Variants in RABGAP1L observed in about 807,000 individuals in gnomAD.
RABGAP1L encodes rab GTPase-activating protein 1-like.
RABGAP1L carries 63 observed loss-of-function variants against 137.7 expected under a neutral mutation model. That is an observed-to-expected ratio of 0.46 (90% CI 0.37 to 0.56). RABGAP1L has a LOEUF of 0.56. Among genes scored for constraint, RABGAP1L ranks in the 20% least tolerant of loss-of-function variants. The probability of loss-of-function intolerance (pLI) is 0.00; values close to 1 mark genes in which losing one functional copy is unlikely to be tolerated. For synonymous variants in RABGAP1L, 431 were observed against 433.7 expected (o/e 0.99, Z 0.08); for missense variants, 1,095 against 1,244.0 (o/e 0.88, Z 1.80).
Position 174,448,750 on chromosome 1 carries a change from T to C in RABGAP1L, c.1710+54605T>C, listed in dbSNP as rs750914001. 3 of 1,613,840 alleles carry C rather than the reference T, an allele frequency of 1.9e-6. No homozygotes were observed. Among genetic ancestry groups the C allele is most frequent in the African/African-American group, 1.3e-5 (1 of 75,030 alleles). On this transcript the variant is annotated intron_variant, in intron 13 of 25. Transcript: ENST00000681986. The surrounding 1 kb of genome is among the most constrained non-coding windows in gnomAD (Gnocchi z 4.2). ...GCTTTATTGTTTGTTTACTTTATGC[T>C]CCTGCTGCCTTTGTTGTCTGCTTCA...
chr1:174,319,946 G>C (rs1679789184), intron 11 of RABGAP1L, among the ~76,000 whole-genome samples: 1 of 151,988 alleles, frequency 6.6e-6, no homozygotes, highest in Non-Finnish European at 1.5e-5. Flanking sequence ...CGATCACTAT[G>C]TTTTTGCATC....
At chr1:174,708,922 G>A (rs973227697) in intron 17 of RABGAP1L, among the ~76,000 whole-genome samples, 1 of 152,202 alleles carries the variant, frequency 6.6e-6, no homozygotes, top group African/African-American at 2.4e-5. Flanking sequence ...AGATTCACTG[G>A]CTTGAAATTC....
intron 13 of RABGAP1L, among the ~76,000 whole-genome samples, chr1:174,559,931 C>T (rs566650691): frequency 3.3e-5 from 5 of 152,118 alleles, no homozygotes; most frequent in Admixed American, 2.0e-4. Context: ...GTCAGGAGTT[C>T]GAGACCAGCC....
Position 174,730,315 on chromosome 1 carries a change from A to C in RABGAP1L, c.2170-21998A>C, listed in dbSNP as rs930610206. 4.6e-5 allele frequency among the ~76,000 whole-genome samples: 7 copies of C among 152,174 alleles called. No homozygotes were observed. The South Asian group carries it at 1.5e-3, about 32-fold the overall frequency. ...TGGAACAACTCTAGACTAATAGAGG[A>C]GGGGAGGAAAAGGGTGGGAACAAGG... On this transcript the variant is annotated intron_variant, in intron 17 of 25. Coordinates refer to ENST00000681986, the MANE Select transcript of RABGAP1L (RefSeq NM_001366446.1).
chr1:174,468,909 A>C (rs1002109352), intron 13 of RABGAP1L, among the ~76,000 whole-genome samples: 1 of 152,158 alleles, frequency 6.6e-6, no homozygotes, highest in African/African-American at 2.4e-5. Flanking sequence ...ACTAAAAATG[A>C]GGGGAATATT....
At chr1:174,314,275 A>G (rs1472719629) in intron 11 of RABGAP1L, among the ~76,000 whole-genome samples, 1 of 152,170 alleles carries the variant, frequency 6.6e-6, no homozygotes, top group African/African-American at 2.4e-5. Context: ...CTATTCTTCT[A>G]GATTTTCCAA....
At chr1:174,426,622 C>T (rs1421595931) in intron 13 of RABGAP1L, among the ~76,000 whole-genome samples, 1 of 151,914 alleles carries the variant, frequency 6.6e-6, no homozygotes, top group Non-Finnish European at 1.5e-5. Context: ...TAAGCAACAT[C>T]AGAATATTGG....
Position 174,992,463 on chromosome 1 carries a change from T to A in RABGAP1L, c.*2462T>A, listed in dbSNP as rs1337259162. On this transcript the variant is annotated 3_prime_UTR_variant, in exon 26 of 26. Coordinates refer to ENST00000681986, the MANE Select transcript of RABGAP1L (RefSeq NM_001366446.1). ...CCGTCTCGAAAAATCACCAGGTACATACCTCTCAAGTTTGATAAGTCCATC... is the reference window on the plus strand; with the variant it reads ...CCGTCTCGAAAAATCACCAGGTACAAACCTCTCAAGTTTGATAAGTCCATC... 6.6e-6 allele frequency: 1 copy of A among 152,044 alleles called. No homozygotes were observed. Among genetic ancestry groups the A allele is most frequent in the African/African-American group, 2.4e-5 (1 of 41,404 alleles). The allele number at this position is 152,044 out of a possible 1,614,324, so 9.4% of individuals were successfully genotyped here. A position where few individuals can be genotyped will look rare whatever the true frequency, so the allele number is the denominator to read the frequency against.
At chr1:174,596,986 C>T (rs572949955) in intron 13 of RABGAP1L, among the ~76,000 whole-genome samples, 66 of 152,006 alleles carry the variant, frequency 4.3e-4, no homozygotes, top group South Asian at 1.0e-3. Context: ...ATATGGTCTA[C>T]GTCCTTCATT....
At chr1:174,881,034 A>T (rs1654112799) in intron 19 of RABGAP1L, among the ~76,000 whole-genome samples, 1 of 152,216 alleles carries the variant, frequency 6.6e-6, no homozygotes, top group African/African-American at 2.4e-5. Context: ...ACCAAGTCAT[A>T]GGGAACATCC....
intron 21 of RABGAP1L, among the ~76,000 whole-genome samples, chr1:174,975,475 C>T (rs1446808825): frequency 1.3e-5 from 2 of 152,142 alleles, no homozygotes; most frequent in Non-Finnish European, 2.9e-5. Flanking sequence ...TCATGGCTCT[C>T]TCTATCATGG....
rs559197244 is a variant in RABGAP1L at position 174,411,887 on chromosome 1, A to G, written c.1710+17742A>G. ...TTTTAAAAAATTTATTGAGACTTGC[A>G]TTGTGGCTGAGCATGTGATTGATCT... On this transcript the variant is annotated intron_variant, in intron 13 of 25. Transcript: ENST00000681986. Among the ~76,000 whole-genome samples, 7 of 152,188 alleles carry G rather than the reference A, an allele frequency of 4.6e-5. No individual in the cohort carries two copies. The South Asian group carries it at 1.2e-3, about 27-fold the overall frequency.
intron 13 of RABGAP1L, among the ~76,000 whole-genome samples, chr1:174,623,233 A>G (rs1363073903): frequency 1.3e-5 from 2 of 152,208 alleles, no homozygotes; most frequent in Non-Finnish European, 2.9e-5. Flanking sequence ...AATGATACGT[A>G]TATCTAAATA....
At chr1:174,361,711 G>A (rs186063584) in intron 11 of RABGAP1L, among the ~76,000 whole-genome samples, 4 of 152,062 alleles carry the variant, frequency 2.6e-5, no homozygotes, top group East Asian at 3.9e-4. Context: ...GCATAAGATC[G>A]TATCATCTGC....
At chr1:174,611,216 T>A (rs1187420907) in intron 13 of RABGAP1L, among the ~76,000 whole-genome samples, 2 of 147,462 alleles carry the variant, frequency 1.4e-5, no homozygotes, top group Non-Finnish European at 3.0e-5. Context: ...TTTATCCATC[T>A]TGAATTAATT....
At chr1:174,664,734 C>CTA (rs1553229417) in intron 14 of RABGAP1L, among the ~76,000 whole-genome samples, 1 of 97,580 alleles carries the variant, frequency 1.0e-5, no homozygotes, top group Non-Finnish European at 1.8e-5. Flanking sequence ...TTTCTGCTTT[C>CTA]TTTTTTTTTT....
rs1017420549 is a variant in RABGAP1L, at chr1:174,609,658, G to A, written c.1711-27717G>A. On this transcript the variant is annotated intron_variant, in intron 13 of 25. Transcript: ENST00000681986. Reference sequence around the variant, plus strand: ...ATCTACTACTTCAAGCTATTTTTCTGTGAAAAAGTTAACATGTAAACTAAG... The same window carrying A: ...ATCTACTACTTCAAGCTATTTTTCTATGAAAAAGTTAACATGTAAACTAAG... Among the ~76,000 whole-genome samples, 3 of 152,044 alleles carry A rather than the reference G, an allele frequency of 2.0e-5. No homozygotes were observed. In the East Asian group the frequency reaches 5.8e-4, roughly 29 times the overall value.
At chr1:174,269,774 A>T (rs1674401904) in intron 7 of RABGAP1L, among the ~76,000 whole-genome samples, 1 of 152,134 alleles carries the variant, frequency 6.6e-6, no homozygotes, top group Non-Finnish European at 1.5e-5. Flanking sequence ...AGAACGAATG[A>T]TATCAGATTC....
intron 17 of RABGAP1L, among the ~76,000 whole-genome samples, chr1:174,742,350 C>G (rs1280019288): frequency 6.6e-6 from 1 of 151,954 alleles, no homozygotes; most frequent in East Asian, 1.9e-4. Flanking sequence ...AAACCCATCT[C>G]TACTAAAAAT....
Sources: gnomAD v4.1 joint callset for allele counts (sites outside exome capture counted in the v4.1 genomes callset) on GRCh38, gnomAD v4.1.1 for gene constraint, Gnocchi (gnomAD v3.1) non-coding constraint, MANE v1.5 for transcripts, NCBI Gene and HGNC (gene_info 2026-07-23, HGNC 2026-07-21) for gene names.